Variants in RANBP17 observed in about 807,000 individuals in gnomAD.
The protein encoded by RANBP17 is ran-binding protein 17.
Under a neutral mutation model 141.2 loss-of-function variants are expected in RANBP17, and 158 were observed. The ratio of observed to expected loss-of-function variants is 1.12; its 90% CI spans 0.98 to 1.28. The LOEUF (loss-of-function observed/expected upper bound fraction) is 1.28, where lower values mean the gene tolerates loss of function less well. RANBP17 is among the 50% of genes most tolerant of loss of function. RANBP17 has a pLI of 0.00. For missense variants in RANBP17, 1,438 were observed against 1,290.7 expected (o/e 1.11, Z -1.75); for synonymous variants, 430 against 450.0 (o/e 0.96, Z 0.56).
intron 14 of RANBP17, among the ~76,000 whole-genome samples, chr5:170,996,627 G>T (rs1481661131): frequency 6.6e-6 from 1 of 152,134 alleles, no homozygotes; most frequent in Non-Finnish European, 1.5e-5. Context: ...CTTGCCGTAG[G>T]TGTACATAAT....
chr5:170,936,035 C>T (rs1773845040), intron 12 of RANBP17, among the ~76,000 whole-genome samples: 1 of 152,196 alleles, frequency 6.6e-6, no homozygotes, highest in African/African-American at 2.4e-5. Flanking sequence ...CTTGCAGTTC[C>T]ATCTCAGGCT....
intron 1 of RANBP17, among the ~76,000 whole-genome samples, chr5:170,872,639 T>C (rs1320363906): frequency 6.6e-6 from 1 of 152,224 alleles, no homozygotes; most frequent in Admixed American, 6.5e-5. Context: ...TGACATTGGC[T>C]GTGGGTTTGT....
intron 12 of RANBP17, among the ~76,000 whole-genome samples, chr5:170,926,742 C>G (rs1772961138): frequency 6.6e-6 from 1 of 152,076 alleles, no homozygotes; most frequent in Non-Finnish European, 1.5e-5. Context: ...GTGCTATACT[C>G]TGTCCTCCCT....
At chr5:170,881,987 TTA>T in intron 3 of RANBP17, 91 bp downstream of exon 3, 1 of 710,922 alleles carries the variant, frequency 1.4e-6, no homozygotes, top group Non-Finnish European at 2.3e-6. Flanking sequence ...TGCAAATTTT[TTA>T]TGTCTGTCAT....
chr5:171,072,038 G>C (rs1784664105), intron 14 of RANBP17, among the ~76,000 whole-genome samples: 1 of 152,072 alleles, frequency 6.6e-6, no homozygotes, highest in Non-Finnish European at 1.5e-5. Context: ...TGAAGAACTT[G>C]CCAGTAAGTG....
At chr5:171,221,214 T>C (rs901809398) in intron 21 of RANBP17, among the ~76,000 whole-genome samples, 28 of 152,366 alleles carry the variant, frequency 1.8e-4, no homozygotes, top group African/African-American at 5.8e-4. Flanking sequence ...TGTTTCTCTT[T>C]ACTGAAGTTG....
chr5:171,016,262 T>C (rs959345850), intron 14 of RANBP17, among the ~76,000 whole-genome samples: 4 of 151,906 alleles, frequency 2.6e-5, no homozygotes, highest in African/African-American at 9.7e-5. Flanking sequence ...TTAGTTGTTT[T>C]AGGCAAGAGG....
chr5:171,125,871 A>C (rs892756495), intron 14 of RANBP17, among the ~76,000 whole-genome samples: 2 of 151,864 alleles, frequency 1.3e-5, no homozygotes, highest in African/African-American at 4.8e-5. Context: ...GCTCAGTGCA[A>C]CCTCTGCCTC....
chr5:171,168,203 C>T (rs756514169), intron 14 of RANBP17, among the ~76,000 whole-genome samples: 3 of 152,048 alleles, frequency 2.0e-5, no homozygotes, highest in African/African-American at 4.8e-5. Context: ...ATGGACTGGA[C>T]GTTGTGGGAA....
chr5:171,178,675 A>G (rs1760681169), intron 16 of RANBP17, among the ~76,000 whole-genome samples: 2 of 152,174 alleles, frequency 1.3e-5, no homozygotes, highest in Non-Finnish European at 2.9e-5. Flanking sequence ...CAGCCTTGCC[A>G]GCATCTGTTG....
intron 14 of RANBP17, among the ~76,000 whole-genome samples, chr5:171,036,699 C>A (rs1291487506): frequency 6.6e-6 from 1 of 152,102 alleles, no homozygotes; most frequent in African/African-American, 2.4e-5. Context: ...ATTTGTTTTT[C>A]TGTTCCTGTG....
intron 5 of RANBP17, among the ~76,000 whole-genome samples, chr5:170,905,099 G>A (rs1186507233): frequency 6.6e-6 from 1 of 151,914 alleles, no homozygotes; most frequent in African/African-American, 2.4e-5. Flanking sequence ...AACAAAACAG[G>A]CCTTTTTTCA....
chr5:171,229,932 G>T (rs1764106794), intron 22 of RANBP17, among the ~76,000 whole-genome samples: 1 of 151,656 alleles, frequency 6.6e-6, no homozygotes, highest in South Asian at 2.1e-4. Flanking sequence ...GGGCGTGGTG[G>T]TGCATGCCTA....
At chr5:171,104,830 TAGTTA>T (rs762398973) in intron 14 of RANBP17, among the ~76,000 whole-genome samples, 43 of 152,226 alleles carry the variant, frequency 2.8e-4, no homozygotes, top group Non-Finnish European at 5.7e-4. Context: ...TGTTAAGAGT[TAGTTA>T]AAATTGGATG....
intron 18 of RANBP17, among the ~76,000 whole-genome samples, chr5:171,193,938 G>A (rs558820376): frequency 7.2e-5 from 11 of 152,142 alleles, no homozygotes; most frequent in South Asian, 2.1e-4. Context: ...GTAATTATTC[G>A]TATTCTACCT....
chr5:171,171,334 G>T, intron 16 of RANBP17, 48 bp downstream of exon 16: 1 of 1,053,250 alleles, frequency 9.5e-7, no homozygotes, highest in South Asian at 1.7e-5. Flanking sequence ...CAACCTAGCA[G>T]ATGCATTTAA....
chr5:171,077,141 C>T (rs995230514), intron 14 of RANBP17, among the ~76,000 whole-genome samples: 6 of 152,042 alleles, frequency 3.9e-5, no homozygotes, highest in Non-Finnish European at 7.4e-5. Flanking sequence ...AGATAGAGAC[C>T]ATCCTGGCAA....
At chr5:170,892,001 A>G (rs1769656574) in intron 3 of RANBP17, among the ~76,000 whole-genome samples, 1 of 152,242 alleles carries the variant, frequency 6.6e-6, no homozygotes. Context: ...GCCTAATAAA[A>G]GAACTGTATA....
intron 14 of RANBP17, among the ~76,000 whole-genome samples, chr5:171,043,297 G>A (rs1197090403): frequency 6.6e-6 from 1 of 152,130 alleles, no homozygotes; most frequent in Non-Finnish European, 1.5e-5. Flanking sequence ...TACAATCAGT[G>A]GAACTGTTTC....
Sources: gnomAD v4.1 joint callset for allele counts (sites outside exome capture counted in the v4.1 genomes callset) on GRCh38, gnomAD v4.1.1 for gene constraint, MANE v1.5 for transcripts, NCBI Gene and HGNC (gene_info 2026-07-23, HGNC 2026-07-21) for gene names.